Variants in CSMD1 observed in about 807,000 individuals in gnomAD.
CSMD1 encodes CUB and Sushi multiple domains 1, also known as CUB and sushi domain-containing protein 1.
Under a neutral mutation model 417.5 loss-of-function variants are expected in CSMD1, and 213 were observed. That is an observed-to-expected ratio of 0.51 (90% CI 0.46 to 0.57). The LOEUF is 0.57. Among genes scored for constraint, CSMD1 ranks in the 20% least tolerant of loss-of-function variants. The pLI is 0.00. For missense variants in CSMD1, 6,923 were observed against 4,529.7 expected (o/e 1.53, Z -15.17); for synonymous variants, 2,862 against 1,736.8 (o/e 1.65, Z -16.11).
intron 2 of CSMD1, among the ~76,000 whole-genome samples, chr8:4,481,277 C>G (rs1016375579): frequency 6.6e-6 from 1 of 152,218 alleles, no homozygotes; most frequent in South Asian, 2.1e-4. Context: ...TCCTGCTGTG[C>G]CAGCCCTATC....
At chr8:3,532,402 G>C (rs976787827) in intron 10 of CSMD1, among the ~76,000 whole-genome samples, 2 of 152,246 alleles carry the variant, frequency 1.3e-5, no homozygotes, top group African/African-American at 2.4e-5. Context: ...AGGATGGTGA[G>C]CTAGAAGAAA....
chr8:3,674,227 T>G (rs117629330), intron 7 of CSMD1, among the ~76,000 whole-genome samples: 2,637 of 152,310 alleles, frequency 0.017, 37 homozygotes, highest in Non-Finnish European at 0.028. Context: ...AAGCAGATTG[T>G]ATTATGGTTG....
intron 4 of CSMD1, among the ~76,000 whole-genome samples, chr8:3,999,592 T>A (rs540157927): frequency 5.3e-5 from 8 of 152,174 alleles, no homozygotes; most frequent in Non-Finnish European, 1.2e-4. Context: ...GGCATAGGGG[T>A]AGTTGACAGC....
chr8:4,299,018 A>G (rs932683151), intron 3 of CSMD1, among the ~76,000 whole-genome samples: 1 of 152,172 alleles, frequency 6.6e-6, no homozygotes, highest in Non-Finnish European at 1.5e-5. Context: ...TTGCCATTTA[A>G]AAAGCAGAAT....
At chr8:3,812,390 A>G (rs1327045872) in intron 5 of CSMD1, among the ~76,000 whole-genome samples, 1 of 152,206 alleles carries the variant, frequency 6.6e-6, no homozygotes, top group Non-Finnish European at 1.5e-5. Context: ...ACTTAAATGC[A>G]GGGAAATTAA....
At chr8:3,064,590 C>T (rs1326237639) in intron 49 of CSMD1, among the ~76,000 whole-genome samples, 1 of 152,070 alleles carries the variant, frequency 6.6e-6, no homozygotes, top group Admixed American at 6.6e-5. Flanking sequence ...GAATAGTAAA[C>T]ACAGAAAATA....
At chr8:4,096,283 T>C (rs992037997) in intron 3 of CSMD1, among the ~76,000 whole-genome samples, 1 of 152,124 alleles carries the variant, frequency 6.6e-6, no homozygotes, top group South Asian at 2.1e-4. Flanking sequence ...GCCCTTGGGA[T>C]GCCATTGTGC....
At chr8:3,187,125 G>T (rs996989675) in intron 36 of CSMD1, among the ~76,000 whole-genome samples, 2 of 152,226 alleles carry the variant, frequency 1.3e-5, no homozygotes, top group African/African-American at 4.8e-5. Context: ...GTGGGCAACT[G>T]TGAGGACAGT....
chr8:3,991,265 G>T (rs766296197), intron 5 of CSMD1, among the ~76,000 whole-genome samples: 1 of 152,198 alleles, frequency 6.6e-6, no homozygotes, highest in African/African-American at 2.4e-5. Context: ...GAATTAGCTG[G>T]TATTGAAAGA....
chr8:3,138,798 G>C (rs1563077957), intron 41 of CSMD1, among the ~76,000 whole-genome samples: 2 of 152,212 alleles, frequency 1.3e-5, no homozygotes, highest in South Asian at 4.1e-4. Flanking sequence ...AGAAATAAGA[G>C]CTTAGCCAGA....
At chr8:4,501,452 A>G (rs963669008) in intron 2 of CSMD1, among the ~76,000 whole-genome samples, 5 of 152,198 alleles carry the variant, frequency 3.3e-5, no homozygotes, top group African/African-American at 7.2e-5. Context: ...GGATATTTCA[A>G]GAATACTTTT....
At chr8:3,653,326 T>C (rs1308689455) in intron 7 of CSMD1, among the ~76,000 whole-genome samples, 2 of 152,156 alleles carry the variant, frequency 1.3e-5, no homozygotes, top group African/African-American at 4.8e-5. Context: ...TTGTTGTTGT[T>C]GTTTTGAGAT....
At chr8:4,403,025 G>T (rs1804754511) in intron 3 of CSMD1, among the ~76,000 whole-genome samples, 1 of 151,528 alleles carries the variant, frequency 6.6e-6, no homozygotes, top group Admixed American at 6.6e-5. Context: ...TGGAGACGGG[G>T]TTTCACCACG....
intron 3 of CSMD1, among the ~76,000 whole-genome samples, chr8:4,129,552 C>G (rs1802971102): frequency 6.7e-6 from 1 of 149,540 alleles, no homozygotes; most frequent in Non-Finnish European, 1.5e-5. Context: ...TGGATTCCAT[C>G]AGAATATTTT....
Position 3,349,858 on chromosome 8 carries a change from A to T in CSMD1, c.3305-1697T>A, listed in dbSNP as rs1808281275. On this transcript the variant is annotated intron_variant, in intron 21 of 69. Coordinates refer to ENST00000635120, the MANE Select transcript of CSMD1 (RefSeq NM_033225.6). ...ATATATCTAGATATAAATATATATA[A>T]TTATATAAATATATTTATATCTATA... Among the ~76,000 whole-genome samples, 8 of 128,390 alleles carry T rather than the reference A, an allele frequency of 6.2e-5. No homozygotes were observed. In the Admixed American group the frequency reaches 7.1e-4, roughly 11 times the overall value. The allele number at this position is 128,390 out of a possible 152,430, so 84.2% of individuals were successfully genotyped here. A position where few individuals can be genotyped will look rare whatever the true frequency, so the allele number is the denominator to read the frequency against.
chr8:3,315,493 G>A (rs1255016934), intron 23 of CSMD1, among the ~76,000 whole-genome samples: 1 of 146,570 alleles, frequency 6.8e-6, no homozygotes, highest in African/African-American at 2.5e-5. Flanking sequence ...ATTATTTATG[G>A]TTTTTTAAGC....
At chr8:3,579,310 G>A (rs1800284094) in intron 9 of CSMD1, among the ~76,000 whole-genome samples, 2 of 150,934 alleles carry the variant, frequency 1.3e-5, no homozygotes, top group Admixed American at 1.3e-4. Context: ...GTATAAAATA[G>A]GTTTGTTTCA....
intron 1 of CSMD1, among the ~76,000 whole-genome samples, chr8:4,919,580 C>G (rs376257017): frequency 5.9e-5 from 9 of 152,116 alleles, no homozygotes; most frequent in African/African-American, 1.9e-4. Context: ...GATTCAATAC[C>G]CAGTACTCAG....
In CSMD1 at chr8:4,050,472, C is replaced by T. The variant is rs138684343; in HGVS notation, c.416-18373G>A. Among the ~76,000 whole-genome samples the T allele has an allele frequency of 2.7e-3, 412 of 152,096 alleles. 1 individual carries two copies. Among genetic ancestry groups the T allele is most frequent in the African/African-American group, 9.2e-3 (381 of 41,472 alleles). ...GGGTACATATTTTGATACAGGCATA[C>T]GATGAATTTTAATTGCATCAGGGTA... On this transcript the variant is annotated intron_variant, in intron 3 of 69. Coordinates refer to ENST00000635120, the MANE Select transcript of CSMD1 (RefSeq NM_033225.6).
Sources: gnomAD v4.1 joint callset for allele counts (sites outside exome capture counted in the v4.1 genomes callset) on GRCh38, gnomAD v4.1.1 for gene constraint, MANE v1.5 for transcripts, NCBI Gene and HGNC (gene_info 2026-07-23, HGNC 2026-07-21) for gene names.